The following DDR2 variants were observed in gnomAD, a reference collection of about 807,000 sequenced individuals.
DDR2 encodes the protein discoidin domain receptor tyrosine kinase 2.
Under a neutral mutation model 94.9 loss-of-function variants are expected in DDR2, and 27 were observed. That is an observed-to-expected ratio of 0.28 (90% confidence interval 0.21 to 0.39). DDR2 has a LOEUF of 0.39. Among genes scored for constraint, DDR2 ranks in the 10% least tolerant of loss-of-function variants. The pLI is 1.00. For missense variants in DDR2, 783 were observed against 1,076.0 expected (o/e 0.73, Z 3.81); for synonymous variants, 382 against 377.2 (o/e 1.01, Z -0.15).
rs988405567 is a variant in DDR2 at position 162,632,539 on chromosome 1, G to A, written c.-284G>A. ...TCACCAGCAAAGTGGAAAAAGAAGC[G>A]TTTCACAACAAATTCTTCTTTTTGG... is the stretch of plus-strand genomic sequence containing the variant. On this transcript the variant is annotated 5_prime_UTR_variant, in exon 1 of 18. Coordinates refer to ENST00000367921, the MANE Select transcript of DDR2 (RefSeq NM_006182.4). 2 of 152,296 alleles carry A rather than the reference G, an allele frequency of 1.3e-5. No homozygotes were observed. The highest frequency in any genetic ancestry group is 2.1e-4 in the South Asian group (1 of 4,820). 9.4% of individuals were successfully genotyped at this position (152,296 alleles called of 1,614,324 possible).
intron 14 of DDR2, among the ~76,000 whole-genome samples, 190 bp from the exon 15 acceptor site, chr1:162,775,462 G>A (rs1230896699): frequency 6.6e-6 from 1 of 152,098 alleles, no homozygotes; most frequent in Non-Finnish European, 1.5e-5. Context: ...ATTGAATAAG[G>A]GCCCATGATA....
At chr1:162,779,700 T>C (rs1647790739) in intron 17 of DDR2, among the ~76,000 whole-genome samples, 1 of 152,212 alleles carries the variant, frequency 6.6e-6, no homozygotes, top group African/African-American at 2.4e-5. Context: ...GAAAATTTAC[T>C]CCTGAGTACA....
At chr1:162,733,580 C>G (rs1356039865) in intron 3 of DDR2, among the ~76,000 whole-genome samples, 1 of 152,176 alleles carries the variant, frequency 6.6e-6, no homozygotes, top group Non-Finnish European at 1.5e-5. Flanking sequence ...TATCCTCATC[C>G]TTATATTACT....
At chr1:162,660,268 T>G (rs982865173) in intron 2 of DDR2, among the ~76,000 whole-genome samples, 3 of 152,174 alleles carry the variant, frequency 2.0e-5, no homozygotes, top group African/African-American at 7.2e-5. Context: ...CTGTCAAACA[T>G]TTTCGCTTTT....
intron 1 of DDR2, among the ~76,000 whole-genome samples, chr1:162,643,393 G>A (rs1197268661): frequency 6.6e-6 from 1 of 152,160 alleles, no homozygotes; most frequent in Admixed American, 6.5e-5. Flanking sequence ...AAACTTCAAT[G>A]ACTCTGCATT....
chr1:162,669,389 A>T (rs1658726399), intron 2 of DDR2, among the ~76,000 whole-genome samples: 1 of 152,236 alleles, frequency 6.6e-6, no homozygotes, highest in Non-Finnish European at 1.5e-5. Flanking sequence ...AATGGAGATG[A>T]TCGAATACCA....
chr1:162,678,906 T>C (rs2101952701), intron 2 of DDR2, among the ~76,000 whole-genome samples: 1 of 152,242 alleles, frequency 6.6e-6, no homozygotes, highest in African/African-American at 2.4e-5. Flanking sequence ...TGAAATAATT[T>C]GACATGGAAA....
intron 3 of DDR2, among the ~76,000 whole-genome samples, chr1:162,736,985 G>A (rs1662328135): frequency 3.3e-5 from 5 of 152,186 alleles, no homozygotes; most frequent in Admixed American, 2.0e-4. Flanking sequence ...TGTGAATAGT[G>A]TGAACAGAAG....
chr1:162,753,364 A>G (rs550020005), intron 4 of DDR2, among the ~76,000 whole-genome samples, 167 bp downstream of exon 4: 1 of 152,312 alleles, frequency 6.6e-6, no homozygotes, highest in African/African-American at 2.4e-5. Flanking sequence ...GTTTTCAGGG[A>G]GAGAATTTAG....
chr1:162,677,020 C>T (rs140504907), intron 2 of DDR2, among the ~76,000 whole-genome samples: 3 of 152,242 alleles, frequency 2.0e-5, no homozygotes, highest in East Asian at 1.9e-4. Flanking sequence ...TCTGTGCTCA[C>T]GGGGTTTTGG....
At chr1:162,772,386 G>C (rs1248878051) in intron 13 of DDR2, 139 bp downstream of exon 13, 1 of 942,236 alleles carries the variant, frequency 1.1e-6, no homozygotes, top group African/African-American at 1.6e-5. Context: ...TTGTCCTCTG[G>C]ATTTCAGTAT....
At chr1:162,659,433 AAC>A (rs1244934841) in intron 2 of DDR2, among the ~76,000 whole-genome samples, 2 of 152,150 alleles carry the variant, frequency 1.3e-5, no homozygotes, top group Non-Finnish European at 2.9e-5. Context: ...TGATCTGGCG[AAC>A]ACAGACTGTG....
intron 3 of DDR2, among the ~76,000 whole-genome samples, chr1:162,734,546 T>C (rs531870121): frequency 9.9e-5 from 15 of 152,272 alleles, no homozygotes; most frequent in African/African-American, 3.6e-4. Flanking sequence ...TATAAGAGCA[T>C]ATAATAGAAA....
Position 162,753,075 on chromosome 1 carries a change from T to C in DDR2, c.83-20T>C. ...ATAAAACCATGTCCTCTCTTTTCTC[T>C]TTGGTTTCTCTTGGTCTAGCTATAT... On this transcript the variant is annotated intron_variant, in intron 3 of 17. Transcript: ENST00000367921. The C allele has an allele frequency of 6.2e-7, 1 of 1,604,270 alleles. No homozygotes were observed. Among genetic ancestry groups the C allele is most frequent in the Non-Finnish European group, 8.5e-7 (1 of 1,171,670 alleles).
intron 7 of DDR2, among the ~76,000 whole-genome samples, chr1:162,758,887 A>G (rs1663582066): frequency 6.6e-6 from 1 of 152,172 alleles, no homozygotes; most frequent in South Asian, 2.1e-4. Flanking sequence ...GCTTGAGGAA[A>G]GAGAAGTTCC....
At chr1:162,733,862 G>A (rs758727763) in intron 3 of DDR2, among the ~76,000 whole-genome samples, 15 of 152,012 alleles carry the variant, frequency 9.9e-5, no homozygotes, top group Non-Finnish European at 1.5e-4. Context: ...AATAGAGCTC[G>A]CCTACACACC....
chr1:162,740,529 T>C (rs778184084), intron 3 of DDR2, among the ~76,000 whole-genome samples: 3 of 152,220 alleles, frequency 2.0e-5, no homozygotes, highest in Non-Finnish European at 2.9e-5. Flanking sequence ...CTTCCTTCAC[T>C]CAGGTCTCTG....
chr1:162,681,343 G>A (rs1009843160), intron 2 of DDR2, among the ~76,000 whole-genome samples: 2 of 151,988 alleles, frequency 1.3e-5, no homozygotes, highest in Admixed American at 6.6e-5. Flanking sequence ...TTTTCTTTAT[G>A]CTAGTTACCC....
intron 11 of DDR2, among the ~76,000 whole-genome samples, chr1:162,768,925 C>G (rs1232489957): frequency 6.6e-6 from 1 of 152,182 alleles, no homozygotes; most frequent in Non-Finnish European, 1.5e-5. Flanking sequence ...CTGGAAAACA[C>G]TAGTGTTTAA....
Sources: allele counts gnomAD v4.1 joint callset (sites outside exome capture counted in the v4.1 genomes callset), GRCh38; gene constraint gnomAD v4.1.1; transcripts MANE v1.5; gene names NCBI Gene and HGNC (gene_info 2026-07-23, HGNC 2026-07-21).